Variants in DPP4 observed in about 807,000 individuals in gnomAD.
The protein encoded by DPP4 is ADCP-2.
DPP4 carries 93 observed loss-of-function variants against 122.4 expected under a neutral mutation model. The ratio of observed to expected loss-of-function variants is 0.76; its 90% confidence interval spans 0.64 to 0.90. The LOEUF (loss-of-function observed/expected upper bound fraction) is 0.90, where lower values mean the gene tolerates loss of function less well. Among genes scored for constraint, DPP4 ranks in the 40% least tolerant of loss-of-function variants. DPP4 has a pLI of 0.00. For missense variants in DPP4, 914 were observed against 907.3 expected (o/e 1.01, Z -0.09); for synonymous variants, 321 against 302.9 (o/e 1.06, Z -0.62).
At chr2:162,023,413 A>G (rs1683209284) in intron 11 of DPP4, among the ~76,000 whole-genome samples, 1 of 152,144 alleles carries the variant, frequency 6.6e-6, no homozygotes, top group Admixed American at 6.5e-5. Context: ...AGATAAGTCC[A>G]AACTCCAGGA....
In DPP4 at chr2:162,021,159, C is replaced by T. The variant is rs115296131; in HGVS notation, c.1069-471G>A. Among the ~76,000 whole-genome samples, 89 of 152,254 alleles carry T rather than the reference C, an allele frequency of 5.8e-4. 1 individual carries two copies. The highest frequency in any genetic ancestry group is 2.1e-3 in the African/African-American group (87 of 41,544). On this transcript the variant is annotated intron_variant, in intron 12 of 25. Transcript: ENST00000360534. Reference sequence around the variant, plus strand: ...GATATTTTTCTTTCCTGTTTTTACACATATTTCTTTTTGAAACTCAGACTT... The same window carrying T: ...GATATTTTTCTTTCCTGTTTTTACATATATTTCTTTTTGAAACTCAGACTT...
chr2:162,064,348 T>G (rs985146058), intron 2 of DPP4, among the ~76,000 whole-genome samples: 2 of 152,142 alleles, frequency 1.3e-5, no homozygotes, highest in Non-Finnish European at 2.9e-5. Context: ...CCATGCAGAG[T>G]AATTTTTTCG....
At chr2:161,993,490 CAG>C (rs1207044697) in intron 25 of DPP4, 106 bp from the exon 26 acceptor site, 1 of 771,772 alleles carries the variant, frequency 1.3e-6, no homozygotes, top group African/African-American at 1.8e-5. Context: ...TGGTATAAAA[CAG>C]AGTGTTTTAA....
At chr2:162,008,961 C>T (rs757952565) in intron 21 of DPP4, among the ~76,000 whole-genome samples, 3 of 152,048 alleles carry the variant, frequency 2.0e-5, no homozygotes, top group Non-Finnish European at 2.9e-5. Context: ...TCTTTACTGA[C>T]TGATGCATAA....
intron 22 of DPP4, among the ~76,000 whole-genome samples, chr2:162,008,327 C>T (rs746682912): frequency 3.3e-5 from 5 of 152,140 alleles, no homozygotes; most frequent in South Asian, 2.1e-4. Flanking sequence ...TTTTGAAATT[C>T]GGAAAACAGA....
At chr2:162,064,051 G>T (rs558193213) in intron 2 of DPP4, among the ~76,000 whole-genome samples, 48 of 152,306 alleles carry the variant, frequency 3.2e-4, no homozygotes, top group Non-Finnish European at 5.4e-4. Flanking sequence ...GCCGATACAG[G>T]TGAATGCACT....
At chr2:162,055,872 T>C (rs1684555903) in intron 2 of DPP4, among the ~76,000 whole-genome samples, 1 of 152,210 alleles carries the variant, frequency 6.6e-6, no homozygotes. Context: ...ATAAAACATC[T>C]TAATGGGGTT....
At chr2:162,059,651 T>A (rs1684693948) in intron 2 of DPP4, among the ~76,000 whole-genome samples, 1 of 152,096 alleles carries the variant, frequency 6.6e-6, no homozygotes, top group South Asian at 2.1e-4. Flanking sequence ...ATTGAAGAAG[T>A]CTCCCGAAGA....
Position 161,993,208 on chromosome 2 carries a change from T to A in DPP4, c.*75A>T. 2 of 1,140,112 alleles carry A rather than the reference T, an allele frequency of 1.8e-6. No individual in the cohort carries two copies. Among genetic ancestry groups the A allele is most frequent in the Non-Finnish European group, 2.6e-6 (2 of 754,782 alleles). The allele number at this position is 1,140,112 out of a possible 1,614,324, so 70.6% of individuals were successfully genotyped here. On this transcript the variant is annotated 3_prime_UTR_variant, in exon 26 of 26. Transcript: ENST00000360534. ...TGTATTTTAAAGATCATCATCATCT[T>A]GACAGTGCAGTTTTGAGATAATGAA...
chr2:162,031,262 A>G (rs548270084), intron 10 of DPP4, among the ~76,000 whole-genome samples: 7 of 152,262 alleles, frequency 4.6e-5, no homozygotes, highest in African/African-American at 1.7e-4. Flanking sequence ...TGTGTCCTGG[A>G]ACCACTCCAG....
intron 13 of DPP4, 135 bp from the exon 14 acceptor site, chr2:162,020,431 G>T: frequency 2.0e-6 from 2 of 999,796 alleles, no homozygotes; most frequent in Non-Finnish European, 2.9e-6. Context: ...TCCCCACCTC[G>T]TTCCACATGA....
At chr2:162,031,034 T>C (rs1683533178) in intron 10 of DPP4, among the ~76,000 whole-genome samples, 2 of 152,326 alleles carry the variant, frequency 1.3e-5, no homozygotes, top group Non-Finnish European at 2.9e-5. Flanking sequence ...CTTTGGGGAA[T>C]AAATGAGACA....
intron 10 of DPP4, among the ~76,000 whole-genome samples, chr2:162,028,033 A>G (rs1427937512): frequency 6.6e-6 from 1 of 151,188 alleles, no homozygotes; most frequent in African/African-American, 2.4e-5. Context: ...AGATTATGCC[A>G]GTCTGAGATG....
intron 20 of DPP4, among the ~76,000 whole-genome samples, chr2:162,010,556 G>A (rs77218911): frequency 0.043 from 6,525 of 152,238 alleles, 328 homozygotes; most frequent in African/African-American, 0.12. Flanking sequence ...AACTGGGGTT[G>A]TATATAGTAG....
intron 2 of DPP4, among the ~76,000 whole-genome samples, chr2:162,057,093 T>C (rs1038589665): frequency 1.3e-5 from 2 of 151,098 alleles, no homozygotes; most frequent in African/African-American, 4.9e-5. Flanking sequence ...GCCTGCCAAA[T>C]CATCCTTAAA....
intron 11 of DPP4, among the ~76,000 whole-genome samples, chr2:162,023,180 A>T (rs1683201465): frequency 6.6e-6 from 1 of 151,126 alleles, no homozygotes; most frequent in Non-Finnish European, 1.5e-5. Flanking sequence ...CCTCATAATC[A>T]CCTCCTTCAG....
chr2:162,024,914 A>G lies in DPP4; in HGVS notation c.913T>C (p.Trp305Arg), dbSNP rs1174827583. 6.2e-7 allele frequency: 1 copy of G among 1,613,750 alleles called. No individual in the cohort carries two copies. Among genetic ancestry groups the G allele is most frequent in the South Asian group, 1.1e-5 (1 of 91,072 alleles). ...IGDHYLCDVT[W>R]ATQERISLQW... is the part of the protein sequence containing the mutation. ...AAAGAAATTCTTTCTTGTGTTGCCC[A>G]TGTCACATCACACAAGTAGTGATCC... Residue 305 changes from tryptophan (W) to arginine (R), a missense_variant, in exon 11 of 26, where the codon TGG (tryptophan) becomes CGG (arginine). Coordinates refer to ENST00000360534, the MANE Select transcript of DPP4 (RefSeq NM_001935.4).
At chr2:162,064,304 C>T (rs1684881456) in intron 2 of DPP4, among the ~76,000 whole-genome samples, 1 of 152,140 alleles carries the variant, frequency 6.6e-6, no homozygotes, top group Non-Finnish European at 1.5e-5. Context: ...CCTTTCAGTA[C>T]AGCCAAACCC....
intron 16 of DPP4, among the ~76,000 whole-genome samples, chr2:162,018,328 T>C (rs971958434): frequency 6.6e-6 from 1 of 152,196 alleles, no homozygotes; most frequent in Non-Finnish European, 1.5e-5. Context: ...CCTGGGTTTC[T>C]TCATTTGTAA....
Sources: allele counts gnomAD v4.1 joint callset (sites outside exome capture counted in the v4.1 genomes callset), GRCh38; gene constraint gnomAD v4.1.1; transcripts MANE v1.5; gene names NCBI Gene and HGNC (gene_info 2026-07-23, HGNC 2026-07-21).